Variants in MDH2 observed in about 807,000 individuals in gnomAD.
MDH2 encodes malate dehydrogenase 2, also known as malate dehydrogenase, mitochondrial.
Under a neutral mutation model 33.6 loss-of-function variants are expected in MDH2, and 25 were observed. That is an observed-to-expected ratio of 0.74 (90% CI 0.54 to 1.04). The LOEUF (loss-of-function observed/expected upper bound fraction) is 1.04, where lower values mean the gene tolerates loss of function less well. Ranked by LOEUF, MDH2 falls within the 50% of genes least tolerant of loss-of-function variation. The pLI, the probability that MDH2 is intolerant of heterozygous loss-of-function variation, is 0.00. For synonymous variants in MDH2, 193 were observed against 188.7 expected, an observed-to-expected ratio of 1.02 and a Z score of -0.19; for missense variants, 432 against 445.0, an observed-to-expected ratio of 0.97 and a Z score of 0.26.
chr7:76,064,146 A>T (rs1798029727), intron 6 of MDH2, among the ~76,000 whole-genome samples, 193 bp from the exon 7 acceptor site: 1 of 151,376 alleles, frequency 6.6e-6, no homozygotes, highest in African/African-American at 2.4e-5. Flanking sequence ...GAGCAGGGCT[A>T]CCCCATAGGC....
At chr7:76,054,740 A>T (rs563930090) in intron 1 of MDH2, 90 bp from the exon 2 acceptor site, 1 of 1,468,812 alleles carries the variant, frequency 6.8e-7, no homozygotes, top group South Asian at 1.2e-5. Flanking sequence ...CTGCAGTAAA[A>T]AGAGGCCCAG....
intron 4 of MDH2, chr7:76,058,282 A>C: frequency 1.8e-6 from 1 of 567,786 alleles, no homozygotes; most frequent in Non-Finnish European, 3.2e-6. Context: ...TCCAGCATGA[A>C]CTGAATGAGG....
chr7:76,048,416 GA>G, intron 1 of MDH2, 190 bp downstream of exon 1: 2 of 1,146,416 alleles, frequency 1.7e-6, no homozygotes, highest in Non-Finnish European at 1.2e-6. Flanking sequence ...GAAAGCCGGG[GA>G]AAAGGGGGCG....
At chr7:76,064,675 C>T (rs139296737) in intron 7 of MDH2, 127 bp from the exon 8 acceptor site, 17 of 1,108,816 alleles carry the variant, frequency 1.5e-5, no homozygotes, top group Non-Finnish European at 1.9e-5. Flanking sequence ...AACAAGAAAT[C>T]GGGGTGCTGA....
intron 4 of MDH2, among the ~76,000 whole-genome samples, chr7:76,058,628 AG>A (rs1797857316): frequency 6.6e-6 from 1 of 152,242 alleles, no homozygotes. Context: ...AATCACAACA[AG>A]ATACTATAAT....
intron 4 of MDH2, 116 bp from the exon 5 acceptor site, chr7:76,060,257 C>A: frequency 7.4e-7 from 1 of 1,356,956 alleles, no homozygotes; most frequent in Non-Finnish European, 9.9e-7. Context: ...TTTAATGTGG[C>A]ATCTTTGGAC....
At position 76,064,798 on chromosome 7, in the gene MDH2, CT is replaced by C. The variant is rs782402298; in HGVS notation, c.734-3del. ...GCCAGGCTGACCTGTCTGTGCCCCC[CT>C]AGGCTCTGCCACCCTCTCCATGGCG... On this transcript the variant is annotated splice_region_variant and splice_polypyrimidine_tract_variant and intron_variant, in intron 7 of 8. Coordinates refer to ENST00000315758, the MANE Select transcript of MDH2 (RefSeq NM_005918.4). 10 of 1,613,138 alleles carry C rather than the reference CT, an allele frequency of 6.2e-6. No individual in the cohort carries two copies. Among genetic ancestry groups the C allele is most frequent in the African/African-American group, 4.0e-5 (3 of 74,934 alleles).
At chr7:76,057,905 A>G in intron 3 of MDH2, 64 bp from the exon 4 acceptor site, 4 of 1,497,858 alleles carry the variant, frequency 2.7e-6, no homozygotes, top group Non-Finnish European at 3.7e-6. Flanking sequence ...GGCGCTCAGC[A>G]CATGCTGCCT....
rs1554588035 is a variant in MDH2, at chr7:76,066,922, C to T, written c.*512C>T. On this transcript the variant is annotated 3_prime_UTR_variant, in exon 9 of 9. Coordinates refer to ENST00000315758, the MANE Select transcript of MDH2 (RefSeq NM_005918.4). ...AGCTGTTTTCTGGCTGAGCAAACAG[C>T]ACCTTTCTCATTGAGCTTCCTCTAC... 6.6e-6 allele frequency: 1 copy of T among 152,292 alleles called. No individual in the cohort carries two copies. Among genetic ancestry groups the T allele is most frequent in the Non-Finnish European group, 1.5e-5 (1 of 68,112 alleles). The allele number at this position is 152,292 out of a possible 1,614,324, so 9.4% of individuals were successfully genotyped here.
Position 76,054,905 on chromosome 7 carries a change from C to T in MDH2, c.142C>T (p.Pro48Ser), listed in dbSNP as rs1554585972. 3 of 1,614,154 alleles carry T rather than the reference C, an allele frequency of 1.9e-6. No homozygotes were observed. Among genetic ancestry groups the T allele is most frequent in the Non-Finnish European group, 2.5e-6 (3 of 1,180,034 alleles). ...ACTTTCACTTCTCCTGAAGAACAGCCCCTTGGTGAGCCGCCTGACCCTCTA... is the reference window on the plus strand; with the variant it reads ...ACTTTCACTTCTCCTGAAGAACAGCTCCTTGGTGAGCCGCCTGACCCTCTA... ...QPLSLLLKNS[P>S]LVSRLTLYDI... is the part of the protein sequence containing the mutation. Residue 48 changes from proline to serine, a missense_variant, in exon 2 of 9, where the codon CCC becomes TCC. Coordinates refer to ENST00000315758, the MANE Select transcript of MDH2 (RefSeq NM_005918.4).
Position 76,048,246 on chromosome 7 carries a change from G to A in MDH2, c.66+20G>A. 2.0e-6 allele frequency: 3 copies of A among 1,530,588 alleles called. No individual in the cohort carries two copies. Among genetic ancestry groups the A allele is most frequent in the South Asian group, 2.4e-5 (2 of 83,748 alleles). The allele number at this position is 1,530,588 out of a possible 1,614,324, so 94.8% of individuals were successfully genotyped here. ...GCCCAGGTAGGCCAGACGAGGGGCG[G>A]CCTGCAGGCGGAGGCCCCCCGGCCC... On this transcript the variant is annotated intron_variant, in intron 1 of 8. Transcript: ENST00000315758.
intron 8 of MDH2, among the ~76,000 whole-genome samples, chr7:76,065,866 G>A (rs1798081797): frequency 6.6e-6 from 1 of 152,218 alleles, no homozygotes; most frequent in African/African-American, 2.4e-5. Flanking sequence ...CAACCTGCGG[G>A]GAGAGACAAG....
chr7:76,065,914 A>G (rs1798083292), intron 8 of MDH2, among the ~76,000 whole-genome samples: 1 of 152,216 alleles, frequency 6.6e-6, no homozygotes, highest in African/African-American at 2.4e-5. Context: ...AATACGGTGA[A>G]GTGTTCCTGA....
intron 1 of MDH2, among the ~76,000 whole-genome samples, chr7:76,049,523 G>A (rs1014155001): frequency 1.3e-5 from 2 of 152,070 alleles, no homozygotes; most frequent in Non-Finnish European, 2.9e-5. Flanking sequence ...AGGTGGAGGC[G>A]ATGAAGGTCT....
rs370264116 is a variant in MDH2 at position 76,059,499 on chromosome 7, T to A, written c.430-874T>A. Among the ~76,000 whole-genome samples the A allele has an allele frequency of 4.6e-5, 7 of 152,236 alleles. No homozygotes were observed. The East Asian group carries it at 1.2e-3, about 25-fold the overall frequency. On this transcript the variant is annotated intron_variant, in intron 4 of 8. Coordinates refer to ENST00000315758, the MANE Select transcript of MDH2 (RefSeq NM_005918.4). ...AGGTAGCTGCTTACTCTCGGAAACGTTGAGTGCTGCGTCCTCACTGAGAGG... is the reference window on the plus strand; with the variant it reads ...AGGTAGCTGCTTACTCTCGGAAACGATGAGTGCTGCGTCCTCACTGAGAGG...
intron 8 of MDH2, among the ~76,000 whole-genome samples, chr7:76,065,703 TTGAGG>T (rs1798077274): frequency 6.6e-6 from 1 of 152,002 alleles, no homozygotes; most frequent in South Asian, 2.1e-4. Context: ...GGGAATTGAG[TTGAGG>T]TGAGGACTGA....
intron 1 of MDH2, among the ~76,000 whole-genome samples, chr7:76,049,516 T>C (rs1191162577): frequency 2.0e-5 from 3 of 151,228 alleles, no homozygotes; most frequent in Non-Finnish European, 4.4e-5. Context: ...TTAGGACAGG[T>C]GGAGGCGATG....
intron 2 of MDH2, among the ~76,000 whole-genome samples, chr7:76,055,270 G>T (rs992486252): frequency 6.6e-6 from 1 of 152,150 alleles, no homozygotes; most frequent in Non-Finnish European, 1.5e-5. Flanking sequence ...AGAGGGAAGT[G>T]TCAGCAACCT....
At chr7:76,064,996 G>A (rs1554587669) in intron 8 of MDH2, 43 bp downstream of exon 8, 1 of 1,606,608 alleles carries the variant, frequency 6.2e-7, no homozygotes, top group African/African-American at 1.3e-5. Flanking sequence ...GGAATAAGGG[G>A]GCGTTCCCTT....
Sources: gnomAD v4.1 joint callset for allele counts (sites outside exome capture counted in the v4.1 genomes callset) on GRCh38, gnomAD v4.1.1 for gene constraint, MANE v1.5 for transcripts, NCBI Gene and HGNC (gene_info 2026-07-23, HGNC 2026-07-21) for gene names.